Variants in ATG9A observed in about 807,000 individuals in gnomAD.
ATG9A encodes autophagy related 9A.
Under a neutral mutation model 87.1 loss-of-function variants are expected in ATG9A, and 21 were observed. That is an observed-to-expected ratio of 0.24 (90% CI 0.17 to 0.35). The LOEUF is 0.35. ATG9A is among the 10% of genes least tolerant of loss of function. The pLI, the probability that ATG9A is intolerant of heterozygous loss-of-function variation, is 1.00. For missense variants in ATG9A, 836 were observed against 1,107.3 expected, an observed-to-expected ratio of 0.76 and a Z score of 3.48; for synonymous variants, 422 against 441.3, an observed-to-expected ratio of 0.96 and a Z score of 0.55.
rs183165143 is a variant in ATG9A at position 219,220,369 on chromosome 2, C to T, written c.*78G>A. 123 of 1,558,626 alleles carry T rather than the reference C, an allele frequency of 7.9e-5. No individual in the cohort carries two copies. The East Asian group carries it at 2.1e-3, about 27-fold the overall frequency. On this transcript the variant is annotated 3_prime_UTR_variant, in exon 16 of 16. Transcript: ENST00000361242. ...GGGGCCAGGGAACACTCAGAGGAGC[C>T]GTCCCATGGCAGGCAGACGGGATGG...
chr2:219,226,964 A>G, intron 4 of ATG9A, 31 bp from the exon 5 acceptor site: 1 of 1,577,388 alleles, frequency 6.3e-7, no homozygotes, highest in Non-Finnish European at 8.7e-7. Flanking sequence ...TAGTCAGTAA[A>G]GAAAGCAGGT....
In ATG9A at chr2:219,224,066, A is replaced by G; in HGVS notation, c.1265+40T>C. On this transcript the variant is annotated intron_variant, in intron 8 of 15. Coordinates refer to ENST00000361242, the MANE Select transcript of ATG9A (RefSeq NM_001077198.3). This position sits in a 1 kb window ranked among gnomAD's most constrained non-coding sequence, Gnocchi z 7.7. ...TGGTGAGATGTATGCCTTTCCCAGG[A>G]ATGCTAGCCGGCTTGCTCCCGCCTG... 1 of 1,606,228 alleles carries G rather than the reference A, an allele frequency of 6.2e-7. No individual in the cohort carries two copies. The highest frequency in any genetic ancestry group is 8.5e-7 in the Non-Finnish European group (1 of 1,174,920).
intron 3 of ATG9A, 46 bp downstream of exon 3, chr2:219,227,876 G>A (rs753695394): frequency 1.2e-6 from 2 of 1,612,946 alleles, no homozygotes; most frequent in Admixed American, 1.7e-5. Flanking sequence ...CTCTCTCCAT[G>A]TTCTTCCATC....
rs1253814541 is a variant in ATG9A, at chr2:219,220,297, T to C, written c.*150A>G. On this transcript the variant is annotated 3_prime_UTR_variant, in exon 16 of 16. Transcript: ENST00000361242. ...TCCTGGGGCTGTGGCAAGCCCAGTG[T>C]TGGCACCTCCCTTGGCCAGGCACAG... 3 of 1,057,700 alleles carry C rather than the reference T, an allele frequency of 2.8e-6. No homozygotes were observed. The South Asian group carries it at 4.6e-5, about 16-fold the overall frequency. The allele number at this position is 1,057,700 out of a possible 1,614,324, so 65.5% of individuals were successfully genotyped here.
Position 219,223,031 on chromosome 2 carries a change from C to T in ATG9A, c.1600-138G>A, listed in dbSNP as rs1950792963. The T allele has an allele frequency of 8.8e-6, 10 of 1,137,334 alleles. No individual in the cohort carries two copies. Among genetic ancestry groups the T allele is most frequent in the Non-Finnish European group, 1.1e-5 (9 of 811,856 alleles). The allele number at this position is 1,137,334 out of a possible 1,614,324, so 70.5% of individuals were successfully genotyped here. A position where few individuals can be genotyped will look rare whatever the true frequency, so the allele number is the denominator to read the frequency against. ...TCAATCTTTCCCAGGGCACTGGTGC[C>T]CCCCCAGACCCAGGAGGGGCTGCAC... On this transcript the variant is annotated intron_variant, in intron 10 of 15. Coordinates refer to ENST00000361242, the MANE Select transcript of ATG9A (RefSeq NM_001077198.3). This position sits in a 1 kb window ranked among gnomAD's most constrained non-coding sequence, Gnocchi z 4.7.
chr2:219,227,193 G>A (rs980929045), intron 4 of ATG9A, among the ~76,000 whole-genome samples: 3 of 152,196 alleles, frequency 2.0e-5, no homozygotes, highest in South Asian at 2.1e-4. Flanking sequence ...GTCAAAAGAC[G>A]TTACTTATTA....
rs1950950356 is a variant in ATG9A, at chr2:219,229,314, G to C, written c.-82+221C>G. 1.3e-5 allele frequency: 2 copies of C among 151,898 alleles called. No individual in the cohort carries two copies. Among genetic ancestry groups the C allele is most frequent in the Admixed American group, 6.5e-5 (1 of 15,268 alleles). The allele number at this position is 151,898 out of a possible 1,614,324, so 9.4% of individuals were successfully genotyped here. A position where few individuals can be genotyped will look rare whatever the true frequency, so the allele number is the denominator to read the frequency against. On this transcript the variant is annotated intron_variant, in intron 1 of 15. Transcript: ENST00000361242. This position sits in a 1 kb window ranked among gnomAD's most constrained non-coding sequence, Gnocchi z 4.2. Reference sequence around the variant, plus strand: ...TCGCCCGGCCCCAGGCCAAGGGCTGGCAGCTCCCAACAGCGGACAACCTCG... The same window carrying C: ...TCGCCCGGCCCCAGGCCAAGGGCTGCCAGCTCCCAACAGCGGACAACCTCG...
chr2:219,228,315 TC>T, intron 2 of ATG9A, 118 bp downstream of exon 2: 1 of 412,696 alleles, frequency 2.4e-6, no homozygotes, highest in Non-Finnish European at 4.4e-6. Flanking sequence ...TGTTTCATCT[TC>T]TATTTAACGG....
Position 219,227,912 on chromosome 2 carries a change from A to G in ATG9A, c.103+10T>C, listed in dbSNP as rs763106050. On this transcript the variant is annotated intron_variant, in intron 3 of 15. Transcript: ENST00000361242. The stretch of plus-strand genomic sequence containing the variant: ...AACTCTCCCTATGGCTGTCATATCC[A>G]AGAACTCACACTTGCTCCCCTCGGC... 37 of 1,614,010 alleles carry G rather than the reference A, an allele frequency of 2.3e-5. No homozygotes were observed. Among genetic ancestry groups the G allele is most frequent in the Non-Finnish European group, 2.9e-5 (34 of 1,179,926 alleles).
chr2:219,224,908 G>C lies in ATG9A; in HGVS notation c.517-54C>G. The C allele has an allele frequency of 6.3e-7, 1 of 1,594,462 alleles. No homozygotes were observed. The stretch of plus-strand genomic sequence containing the variant: ...GTACGGAAGGTGGGGTTGTTGCCTC[G>C]ACCCCTTTGCCCTATATTAGAAGTG... On this transcript the variant is annotated intron_variant, in intron 7 of 15. Transcript: ENST00000361242. This position sits in a 1 kb window ranked among gnomAD's most constrained non-coding sequence, Gnocchi z 7.7.
chr2:219,219,689 T>G lies in ATG9A; in HGVS notation c.*758A>C, dbSNP rs775897513. 2.0e-5 allele frequency: 3 copies of G among 152,446 alleles called. No individual in the cohort carries two copies. The highest frequency in any genetic ancestry group is 4.4e-5 in the Non-Finnish European group (3 of 68,074). The allele number at this position is 152,446 out of a possible 1,614,324, so 9.4% of individuals were successfully genotyped here. A position where few individuals can be genotyped will look rare whatever the true frequency, so the allele number is the denominator to read the frequency against. On this transcript the variant is annotated 3_prime_UTR_variant, in exon 16 of 16. Transcript: ENST00000361242. The stretch of plus-strand genomic sequence containing the variant: ...CATGTGCAGGTGATGGGGGGTACGA[T>G]AAGCAGCAATGAGGGCCCAGGAAGA...
rs774857578 is a variant in ATG9A at position 219,223,819 on chromosome 2, AC to A, written c.1419+49del. On this transcript the variant is annotated intron_variant, in intron 9 of 15. Coordinates refer to ENST00000361242, the MANE Select transcript of ATG9A (RefSeq NM_001077198.3). The surrounding 1 kb of genome is among the most constrained non-coding windows in gnomAD (Gnocchi z 4.7). Reference sequence around the variant, plus strand: ...AGCAGGAGGGAGCCCAGCCCTCACCACCGAGCTACCAGCCAGTCTCTAGCAG... The same window carrying A: ...AGCAGGAGGGAGCCCAGCCCTCACCACGAGCTACCAGCCAGTCTCTAGCAG... 5.0e-6 allele frequency: 8 copies of A among 1,613,798 alleles called. No homozygotes were observed. The highest frequency in any genetic ancestry group is 5.9e-6 in the Non-Finnish European group (7 of 1,179,974).
chr2:219,221,419 C>T (rs916928041), intron 13 of ATG9A, 117 bp from the exon 14 acceptor site: 1 of 918,950 alleles, frequency 1.1e-6, no homozygotes, highest in Non-Finnish European at 1.6e-6. Context: ...ATCCTTGCCT[C>T]AGAGCACCTA....
chr2:219,222,884 C>T lies in ATG9A; in HGVS notation c.1609G>A (p.Ala537Thr). 3 of 1,614,034 alleles carry T rather than the reference C, an allele frequency of 1.9e-6. No individual in the cohort carries two copies. Among genetic ancestry groups the T allele is most frequent in the African/African-American group, 1.3e-5 (1 of 75,040 alleles). The change falls in exon 11 of 16, where the codon GCT becomes ACT. Residue 537 changes from alanine to threonine, a missense_variant. Physicochemically the swap from Ala to Thr is moderately conservative, Grantham distance 58. Coordinates refer to ENST00000361242, the MANE Select transcript of ATG9A (RefSeq NM_001077198.3). The surrounding 1 kb of genome is among the most constrained non-coding windows in gnomAD (Gnocchi z 4.3). ...TACACTGAGGCCTCTGTCTGCCCAG[C>T]AGATAGCCACTGCACAAGGAAGAGC... ...RQHGHPQWLS[A>T]GQTEASVYQQ...
rs752389669 is a variant in ATG9A at position 219,224,191 on chromosome 2, G to C, written c.1180C>G (p.Leu394Val). ...AGSILAVLIA[L>V]TIYDEDVLAV... ...AACACATCTTCGTCATAAATGGTGA[G>C]GGCAATAAGCACAGCCAGGATGGAG... Residue 394 changes from leucine (L) to valine (V), a missense_variant, in exon 8 of 16, where the codon CTC becomes GTC. Physicochemically the swap from Leu to Val is conservative, Grantham distance 32 (BLOSUM62 1). Transcript: ENST00000361242. The surrounding 1 kb of genome is among the most constrained non-coding windows in gnomAD (Gnocchi z 7.7). 1.9e-6 allele frequency: 3 copies of C among 1,613,798 alleles called. No individual in the cohort carries two copies. The South Asian group carries it at 3.3e-5, about 18-fold the overall frequency.
rs777109126 is a variant in ATG9A, at chr2:219,227,891, C to T, written c.103+31G>A. On this transcript the variant is annotated intron_variant, in intron 3 of 15. Transcript: ENST00000361242. ...CTCTCTCCATGTTCTTCCATCAACT[C>T]TCCCTATGGCTGTCATATCCAAGAA... The T allele has an allele frequency of 3.1e-6, 5 of 1,613,188 alleles. No homozygotes were observed. In the South Asian group the frequency reaches 5.5e-5, roughly 18 times the overall value.
chr2:219,228,822 A>G (rs1950929161), intron 1 of ATG9A: 1 of 152,246 alleles, frequency 6.6e-6, no homozygotes, highest in African/African-American at 2.4e-5. Context: ...ACAAAACCTC[A>G]AGAGTCTTTC....
At chr2:219,220,526 T>A in intron 15 of ATG9A, 74 bp from the exon 16 acceptor site, 1 of 1,592,698 alleles carries the variant, frequency 6.3e-7, no homozygotes, top group Non-Finnish European at 8.6e-7. Flanking sequence ...CATAGAAACC[T>A]AGAGGTAAAG....
chr2:219,225,683 G>A (rs1364362073), intron 5 of ATG9A, 111 bp from the exon 6 acceptor site: 6 of 1,244,604 alleles, frequency 4.8e-6, no homozygotes, highest in Non-Finnish European at 5.5e-6. Flanking sequence ...AACTGGAAGG[G>A]CCTGGAGAAC....
Sources: gnomAD v4.1 joint callset for allele counts (sites outside exome capture counted in the v4.1 genomes callset) on GRCh38, gnomAD v4.1.1 for gene constraint, Gnocchi (gnomAD v3.1) non-coding constraint, MANE v1.5 for transcripts, NCBI Gene and HGNC (gene_info 2026-07-23, HGNC 2026-07-21) for gene names.